The following PLCB4 variants were observed in gnomAD, a reference collection of about 807,000 sequenced individuals.
The protein encoded by PLCB4 is 1-phosphatidylinositol 4,5-bisphosphate phosphodiesterase beta-4.
In PLCB4, 77 loss-of-function variants were observed where a neutral mutation model predicts 178.8. That is an observed-to-expected ratio of 0.43 (90% confidence interval 0.36 to 0.52). PLCB4 has a LOEUF of 0.52. PLCB4 is among the 20% of genes least tolerant of loss of function. The probability of loss-of-function intolerance (pLI) is 0.00; values close to 1 mark genes in which losing one functional copy is unlikely to be tolerated. For missense variants in PLCB4, 1,024 were observed against 1,453.4 expected, an observed-to-expected ratio of 0.70 and a Z score of 4.80; for synonymous variants, 496 against 490.8, an observed-to-expected ratio of 1.01 and a Z score of -0.14.
chr20:9,423,640 A>G (rs1185727680), intron 27 of PLCB4, 108 bp from the exon 28 acceptor site: 10 of 808,930 alleles, frequency 1.2e-5, no homozygotes, highest in Non-Finnish European at 2.1e-5. Flanking sequence ...CTTACTTTCA[A>G]CATCAGGGAA....
intron 19 of PLCB4, among the ~76,000 whole-genome samples, chr20:9,401,180 AT>A (rs887530971): frequency 3.3e-5 from 5 of 152,186 alleles, no homozygotes; most frequent in African/African-American, 1.2e-4. Context: ...TGAGGCTTTC[AT>A]TTTTAGAATT....
chr20:9,195,079 G>A (rs189477886), intron 2 of PLCB4, among the ~76,000 whole-genome samples: 14 of 152,286 alleles, frequency 9.2e-5, no homozygotes, highest in Admixed American at 8.5e-4. Context: ...TAGAAAAATA[G>A]GGTTACAAAC....
intron 1 of PLCB4, among the ~76,000 whole-genome samples, chr20:9,087,124 T>C (rs1055971009): frequency 2.0e-5 from 3 of 152,224 alleles, no homozygotes; most frequent in Non-Finnish European, 2.9e-5. Flanking sequence ...AAAAATCTAT[T>C]CCGATAATCT....
At chr20:9,187,211 G>A (rs2093340996) in intron 2 of PLCB4, among the ~76,000 whole-genome samples, 1 of 151,962 alleles carries the variant, frequency 6.6e-6, no homozygotes, top group African/African-American at 2.4e-5. Context: ...CTGACCTCAA[G>A]TGATCTGTCC....
chr20:9,361,907 CTTTATA>C (rs1453065341), intron 7 of PLCB4, among the ~76,000 whole-genome samples: 2 of 152,122 alleles, frequency 1.3e-5, no homozygotes, highest in Non-Finnish European at 2.9e-5. Flanking sequence ...AGACACTGAA[CTTTATA>C]TTTATTAAAT....
intron 4 of PLCB4, among the ~76,000 whole-genome samples, chr20:9,336,557 C>A (rs1053416852): frequency 2.6e-5 from 4 of 152,240 alleles, no homozygotes; most frequent in Non-Finnish European, 4.4e-5. Flanking sequence ...TCCATCTGGA[C>A]TGGGGCCTCA....
chr20:9,110,312 G>A (rs571149886), intron 2 of PLCB4, among the ~76,000 whole-genome samples: 2 of 152,098 alleles, frequency 1.3e-5, no homozygotes, highest in African/African-American at 4.8e-5. Context: ...AATGAAATAT[G>A]AATCTTTAAA....
intron 2 of PLCB4, among the ~76,000 whole-genome samples, chr20:9,098,866 C>T (rs767636357): frequency 6.7e-6 from 1 of 148,830 alleles, no homozygotes; most frequent in East Asian, 2.0e-4. Flanking sequence ...GCTCTGTCAC[C>T]CACGCAGTTG....
intron 2 of PLCB4, among the ~76,000 whole-genome samples, chr20:9,208,312 A>G (rs2076143006): frequency 6.6e-6 from 1 of 152,300 alleles, no homozygotes; most frequent in South Asian, 2.1e-4. Context: ...GTTTGATGAG[A>G]TATAATGAGT....
At chr20:9,356,217 C>T (rs545570753) in intron 7 of PLCB4, among the ~76,000 whole-genome samples, 52 of 151,856 alleles carry the variant, frequency 3.4e-4, no homozygotes, top group Non-Finnish European at 6.2e-4. Flanking sequence ...GAGTAGGTTG[C>T]GAAAATTTTC....
At chr20:9,252,497 A>G (rs560351684) in intron 3 of PLCB4, among the ~76,000 whole-genome samples, 89 of 152,224 alleles carry the variant, frequency 5.8e-4, no homozygotes, top group Non-Finnish European at 1.1e-3. Context: ...ACCCTATCCC[A>G]GAACCTTGGA....
chr20:9,183,759 T>C (rs1277674774), intron 2 of PLCB4, among the ~76,000 whole-genome samples: 1 of 152,206 alleles, frequency 6.6e-6, no homozygotes, highest in Non-Finnish European at 1.5e-5. Context: ...AAAAATATTA[T>C]TTTAATTTTA....
At chr20:9,402,922 T>C (rs916649132) in intron 20 of PLCB4, among the ~76,000 whole-genome samples, 1 of 152,188 alleles carries the variant, frequency 6.6e-6, no homozygotes, top group African/African-American at 2.4e-5. Flanking sequence ...TCATATAGCA[T>C]TGCCATCTGA....
chr20:9,160,608 G>C (rs2092871844), intron 2 of PLCB4, among the ~76,000 whole-genome samples: 1 of 152,192 alleles, frequency 6.6e-6, no homozygotes, highest in Non-Finnish European at 1.5e-5. Context: ...AAAGAATGCA[G>C]AAAGTGAGCT....
At chr20:9,303,872 A>T (rs555197204) in intron 3 of PLCB4, among the ~76,000 whole-genome samples, 1 of 152,300 alleles carries the variant, frequency 6.6e-6, no homozygotes, top group East Asian at 1.9e-4. Flanking sequence ...TATTCTGATT[A>T]AAGTTATATA....
intron 2 of PLCB4, among the ~76,000 whole-genome samples, chr20:9,152,444 A>G (rs894936347): frequency 5.9e-5 from 9 of 152,192 alleles, no homozygotes; most frequent in African/African-American, 1.9e-4. Flanking sequence ...TGCTCCAGCC[A>G]TGGCTGAAAG....
chr20:9,432,134 G>A (rs2041461010), intron 28 of PLCB4, among the ~76,000 whole-genome samples: 1 of 152,198 alleles, frequency 6.6e-6, no homozygotes, highest in Non-Finnish European at 1.5e-5. Context: ...TATAATATAT[G>A]CATCAATGAA....
chr20:9,423,346 C>G (rs1481868521), intron 27 of PLCB4, among the ~76,000 whole-genome samples: 1 of 152,146 alleles, frequency 6.6e-6, no homozygotes, highest in Non-Finnish European at 1.5e-5. Flanking sequence ...ATATAGATGT[C>G]AGCAATATGC....
chr20:9,261,194 G>A (rs2094293773), intron 3 of PLCB4, among the ~76,000 whole-genome samples: 1 of 151,946 alleles, frequency 6.6e-6, no homozygotes, highest in Non-Finnish European at 1.5e-5. Context: ...AAAGCAAAGG[G>A]GATGCATGAA....
Sources: gnomAD v4.1 joint callset for allele counts (sites outside exome capture counted in the v4.1 genomes callset) on GRCh38, gnomAD v4.1.1 for gene constraint, MANE v1.5 for transcripts, NCBI Gene and HGNC (gene_info 2026-07-23, HGNC 2026-07-21) for gene names.